Variants in GFRAL observed in about 807,000 individuals in gnomAD.
GFRAL encodes the protein GDNF family receptor alpha-like.
GFRAL carries 36 observed loss-of-function variants against 45.4 expected under a neutral mutation model. That is an observed-to-expected ratio of 0.79 (90% CI 0.61 to 1.05). GFRAL has a LOEUF of 1.05. Ranked by LOEUF, GFRAL falls within the 50% of genes least tolerant of loss-of-function variation. The probability of loss-of-function intolerance (pLI) is 0.00; values close to 1 mark genes in which losing one functional copy is unlikely to be tolerated. For missense variants in GFRAL, 507 were observed against 467.5 expected (o/e 1.08, Z -0.78); for synonymous variants, 166 against 154.1 (o/e 1.08, Z -0.57).
intron 2 of GFRAL, 37 bp downstream of exon 2, chr6:55,331,886 T>G (rs771813767): frequency 6.4e-7 from 1 of 1,569,560 alleles, no homozygotes; most frequent in Admixed American, 1.8e-5. Flanking sequence ...AAATGATTTA[T>G]TTTTACTAAG....
At chr6:55,383,134 CA>C (rs1225171004) in intron 6 of GFRAL, among the ~76,000 whole-genome samples, 1 of 151,788 alleles carries the variant, frequency 6.6e-6, no homozygotes, top group African/African-American at 2.4e-5. Flanking sequence ...ACATGGTTTC[CA>C]GTTAAAATCC....
At chr6:55,344,338 C>A (rs1222600809) in intron 3 of GFRAL, among the ~76,000 whole-genome samples, 1 of 152,170 alleles carries the variant, frequency 6.6e-6, no homozygotes, top group Non-Finnish European at 1.5e-5. Flanking sequence ...AGCTTATCCA[C>A]CATGATCAAG....
At chr6:55,375,593 T>C (rs1327384671) in intron 6 of GFRAL, among the ~76,000 whole-genome samples, 1 of 152,142 alleles carries the variant, frequency 6.6e-6, no homozygotes, top group Non-Finnish European at 1.5e-5. Context: ...ACTTCCTATT[T>C]GAATACACTT....
chr6:55,381,218 T>C lies in GFRAL; in HGVS notation c.953-17962T>C, dbSNP rs373467932. On this transcript the variant is annotated intron_variant, in intron 6 of 8. Transcript: ENST00000340465. ...GACAGAAGATTGTTCCCAACTGATT[T>C]CCAGAACCAGCTGGCTTTTGTGAAA... Among the ~76,000 whole-genome samples the C allele has an allele frequency of 1.1e-4, 17 of 152,048 alleles. No individual in the cohort carries two copies. The South Asian group carries it at 2.9e-3, about 26-fold the overall frequency.
chr6:55,340,169 C>G (rs1767943423), intron 3 of GFRAL, among the ~76,000 whole-genome samples: 1 of 152,218 alleles, frequency 6.6e-6, no homozygotes, highest in South Asian at 2.1e-4. Flanking sequence ...TGAGAAAGAA[C>G]ATGATAATTT....
At chr6:55,382,352 A>G (rs181310378) in intron 6 of GFRAL, among the ~76,000 whole-genome samples, 5 of 152,088 alleles carry the variant, frequency 3.3e-5, no homozygotes, top group Admixed American at 2.6e-4. Context: ...AAAGAGAATA[A>G]TAACAAATAA....
chr6:55,371,781 T>C (rs871023), intron 6 of GFRAL, among the ~76,000 whole-genome samples: 29,093 of 152,106 alleles, frequency 0.19, 3,195 homozygotes, highest in African/African-American at 0.3. Flanking sequence ...TGTTAGACTA[T>C]CAGAAATAGA....
chr6:55,345,290 A>G (rs1232054737), intron 3 of GFRAL, among the ~76,000 whole-genome samples: 1 of 152,188 alleles, frequency 6.6e-6, no homozygotes, highest in Non-Finnish European at 1.5e-5. Flanking sequence ...CTGACTTCAA[A>G]CTATACTACA....
intron 6 of GFRAL, among the ~76,000 whole-genome samples, chr6:55,388,252 G>A (rs1768704785): frequency 6.6e-6 from 1 of 152,174 alleles, no homozygotes; most frequent in Admixed American, 6.5e-5. Context: ...AGTTGCAAAG[G>A]AGGCCAGAGT....
At chr6:55,371,059 T>C (rs1269319565) in intron 6 of GFRAL, among the ~76,000 whole-genome samples, 2 of 152,216 alleles carry the variant, frequency 1.3e-5, no homozygotes, top group African/African-American at 4.8e-5. Flanking sequence ...AAAAGTGATA[T>C]TGAGCCTTCC....
chr6:55,383,035 C>T (rs1768632727), intron 6 of GFRAL, among the ~76,000 whole-genome samples: 1 of 151,866 alleles, frequency 6.6e-6, no homozygotes, highest in Admixed American at 6.6e-5. Flanking sequence ...GAATAAGTGA[C>T]TTCTTAAGTA....
chr6:55,332,783 T>C (rs1334035610), intron 2 of GFRAL, among the ~76,000 whole-genome samples: 1 of 152,106 alleles, frequency 6.6e-6, no homozygotes, highest in Non-Finnish European at 1.5e-5. Flanking sequence ...AAATAAGCAT[T>C]GAATGAGAAC....
intron 6 of GFRAL, among the ~76,000 whole-genome samples, chr6:55,363,077 A>G (rs1768299230): frequency 6.6e-6 from 1 of 151,824 alleles, no homozygotes; most frequent in Non-Finnish European, 1.5e-5. Flanking sequence ...GGATTAAGAA[A>G]AAGCAGAAAA....
chr6:55,397,435 G>A (rs894353897), intron 6 of GFRAL, among the ~76,000 whole-genome samples: 1 of 136,702 alleles, frequency 7.3e-6, no homozygotes, highest in Admixed American at 7.7e-5. Context: ...GGAGAATGGC[G>A]TGAACCCGGG....
At chr6:55,399,588 G>T in intron 8 of GFRAL, 147 bp downstream of exon 8, 1 of 599,990 alleles carries the variant, frequency 1.7e-6, no homozygotes, top group Non-Finnish European at 3.0e-6. Flanking sequence ...ATGTGGCATA[G>T]GTCCATGGAA....
At chr6:55,392,962 A>T (rs1188289043) in intron 6 of GFRAL, among the ~76,000 whole-genome samples, 4 of 152,192 alleles carry the variant, frequency 2.6e-5, no homozygotes, top group Non-Finnish European at 5.9e-5. Flanking sequence ...CCAGAAAAAC[A>T]TATGAAGAGA....
chr6:55,371,635 G>A (rs768661973), intron 6 of GFRAL, among the ~76,000 whole-genome samples: 3 of 152,102 alleles, frequency 2.0e-5, no homozygotes, highest in Admixed American at 6.6e-5. Context: ...TTCATGGAAT[G>A]CAAATCACTT....
intron 3 of GFRAL, among the ~76,000 whole-genome samples, chr6:55,347,675 GTGGTATGATCTATA>G (rs954788646): frequency 2.6e-5 from 4 of 152,096 alleles, no homozygotes; most frequent in Admixed American, 2.6e-4. Flanking sequence ...TAATGATATC[GTGGTATGATCTATA>G]TGGGAAATGG....
In GFRAL at chr6:55,395,175, A is replaced by AAAATATAT; in HGVS notation, c.953-4004_953-4003insAATATATA. The stretch of plus-strand genomic sequence containing the variant: ...AATCAGCCTATGGAAAAAAAAAAAA[A>AAAATATAT]ATATATATATATATATATAAGCCAG... On this transcript the variant is annotated intron_variant, in intron 6 of 8. Transcript: ENST00000340465. Among the ~76,000 whole-genome samples the AAAATATAT allele has an allele frequency of 8.0e-4, 99 of 123,466 alleles. 1 individual carries two copies. The highest frequency in any genetic ancestry group is 3.1e-3 in the African/African-American group (91 of 28,932). The allele number at this position is 123,466 out of a possible 152,430, so 81.0% of individuals were successfully genotyped here. A position where few individuals can be genotyped will look rare whatever the true frequency, so the allele number is the denominator to read the frequency against.
Sources: allele counts gnomAD v4.1 joint callset (sites outside exome capture counted in the v4.1 genomes callset), GRCh38; gene constraint gnomAD v4.1.1; transcripts MANE v1.5; gene names NCBI Gene and HGNC (gene_info 2026-07-23, HGNC 2026-07-21).